Variants in TNIK observed in about 807,000 individuals in gnomAD.
TNIK encodes the protein TRAF2 and NCK interacting kinase, also known as TRAF2 and NCK-interacting protein kinase.
In TNIK, 49 loss-of-function variants were observed where a neutral mutation model predicts 191.3. The ratio of observed to expected loss-of-function variants is 0.26; its 90% confidence interval spans 0.20 to 0.32. The LOEUF is 0.32. Ranked by LOEUF, TNIK falls within the 10% of genes least tolerant of loss-of-function variation. The pLI, the probability that TNIK is intolerant of heterozygous loss-of-function variation, is 1.00. For missense variants in TNIK, 1,155 were observed against 1,702.3 expected (o/e 0.68, Z 5.66); for synonymous variants, 594 against 600.9 (o/e 0.99, Z 0.17).
intron 2 of TNIK, chr3:171,347,338 G>A: frequency 1.9e-6 from 2 of 1,039,930 alleles, no homozygotes; most frequent in Non-Finnish European, 2.8e-6. Context: ...CTAGATGCCT[G>A]GTATACAAGT....
At chr3:171,288,292 C>T (rs1413768268) in intron 2 of TNIK, among the ~76,000 whole-genome samples, 11 of 142,580 alleles carry the variant, frequency 7.7e-5, no homozygotes, top group Non-Finnish European at 1.5e-4. Flanking sequence ...ACAATGTGCA[C>T]ATGTACCCTA....
chr3:171,110,939 A>G (rs978879105), intron 18 of TNIK, 62 bp from the exon 19 acceptor site: 7 of 1,461,284 alleles, frequency 4.8e-6, no homozygotes, highest in African/African-American at 2.8e-5. Context: ...TGCAGATCAC[A>G]TATCTGATAA....
intron 2 of TNIK, among the ~76,000 whole-genome samples, chr3:171,306,664 T>C (rs925292332): frequency 1.3e-5 from 2 of 152,108 alleles, no homozygotes; most frequent in African/African-American, 4.8e-5. Context: ...AAAATTATAT[T>C]TGGATTCCAA....
At position 171,082,387 on chromosome 3, in the gene TNIK, G is replaced by A. The variant is rs767151840; in HGVS notation, c.3177C>T (p.Asn1059=). Residue 1059 remains asparagine, a synonymous_variant, in exon 27 of 33, where the codon AAC becomes AAT. Coordinates refer to ENST00000436636, the MANE Select transcript of TNIK (RefSeq NM_015028.4). ...EILCAALWGV[N]LLVGTENGLM... ...GGCCATTTTCAGTCCCCACCAGAAG[G>A]TTTACACCTGTAAATTTAAGAAGCA... 6 of 1,613,670 alleles carry A rather than the reference G, an allele frequency of 3.7e-6. No individual in the cohort carries two copies. Among genetic ancestry groups the A allele is most frequent in the Non-Finnish European group, 3.4e-6 (4 of 1,179,744 alleles).
chr3:171,404,675 CT>C (rs1317729463), intron 1 of TNIK, among the ~76,000 whole-genome samples: 9 of 152,078 alleles, frequency 5.9e-5, no homozygotes, highest in Non-Finnish European at 8.8e-5. Flanking sequence ...AGGCTAATTA[CT>C]TCTCTTAAGA....
chr3:171,157,730 G>A, intron 11 of TNIK, 66 bp from the exon 12 acceptor site: 2 of 1,497,212 alleles, frequency 1.3e-6, no homozygotes, highest in East Asian at 2.5e-5. Context: ...AAGAGGCCTT[G>A]GAGGAGGAAA....
chr3:171,233,281 A>T (rs1165743289), intron 2 of TNIK, among the ~76,000 whole-genome samples: 2 of 151,284 alleles, frequency 1.3e-5, no homozygotes, highest in African/African-American at 4.9e-5. Context: ...TCCCAACCCC[A>T]CTGATCATAA....
At position 171,082,231 on chromosome 3, in the gene TNIK, T is replaced by C; in HGVS notation, c.3313+20A>G. 6.2e-7 allele frequency: 1 copy of C among 1,609,092 alleles called. No individual in the cohort carries two copies. Among genetic ancestry groups the C allele is most frequent in the Non-Finnish European group, 8.5e-7 (1 of 1,177,558 alleles). On this transcript the variant is annotated intron_variant, in intron 27 of 32. Coordinates refer to ENST00000436636, the MANE Select transcript of TNIK (RefSeq NM_015028.4). ...TTCCCGCTGTATGGACCTGGGGGAC[T>C]CATCATCTTAGTAACATACCTGAAA...
At position 171,082,404 on chromosome 3, in the gene TNIK, T is replaced by G; in HGVS notation, c.3170-10A>C. The G allele has an allele frequency of 4.3e-6, 7 of 1,613,636 alleles. No individual in the cohort carries two copies. The highest frequency in any genetic ancestry group is 5.9e-6 in the Non-Finnish European group (7 of 1,179,706). ...ACCAGAAGGTTTACACCTGTAAATTTAAGAAGCACCCTAAGACTGACTTTT... is the reference window on the plus strand; with the variant it reads ...ACCAGAAGGTTTACACCTGTAAATTGAAGAAGCACCCTAAGACTGACTTTT... On this transcript the variant is annotated splice_polypyrimidine_tract_variant and intron_variant, in intron 26 of 32. Coordinates refer to ENST00000436636, the MANE Select transcript of TNIK (RefSeq NM_015028.4).
chr3:171,144,080 G>A (rs998043061), intron 12 of TNIK, among the ~76,000 whole-genome samples: 22 of 152,312 alleles, frequency 1.4e-4, no homozygotes, highest in African/African-American at 5.1e-4. Flanking sequence ...CCTGCTATCA[G>A]AAAAGAATGG....
chr3:171,134,868 A>T (rs1174123398), intron 15 of TNIK, among the ~76,000 whole-genome samples: 1 of 152,244 alleles, frequency 6.6e-6, no homozygotes, highest in Admixed American at 6.5e-5. Context: ...TCGATTTGGA[A>T]TGAGGAAGAG....
intron 1 of TNIK, among the ~76,000 whole-genome samples, chr3:171,435,364 C>T (rs1229170266): frequency 1.3e-5 from 2 of 152,128 alleles, no homozygotes; most frequent in African/African-American, 4.8e-5. Flanking sequence ...TCAACTTCCT[C>T]TGAGAATGTG....
rs1350038267 is a variant in TNIK at position 171,062,338 on chromosome 3, CTA to C, written c.*1541_*1542del. 6.6e-6 allele frequency: 1 copy of C among 152,110 alleles called. No homozygotes were observed. Among genetic ancestry groups the C allele is most frequent in the Admixed American group, 6.6e-5 (1 of 15,264 alleles). The allele number at this position is 152,110 out of a possible 1,614,324, so 9.4% of individuals were successfully genotyped here. A position where few individuals can be genotyped will look rare whatever the true frequency, so the allele number is the denominator to read the frequency against. On this transcript the variant is annotated 3_prime_UTR_variant, in exon 33 of 33. Transcript: ENST00000436636. ...CACCTGAGATTGCCGGTTGAGCTCT[CTA>C]TATGTCTCCTGGAGATAACACTGCT...
chr3:171,460,024 C>G lies in TNIK; in HGVS notation c.40G>C (p.Asp14His). 1 of 1,609,210 alleles carries G rather than the reference C, an allele frequency of 6.2e-7. No individual in the cohort carries two copies. The highest frequency in any genetic ancestry group is 8.5e-7 in the Non-Finnish European group (1 of 1,177,850). Residue 14 changes from aspartate (D) to histidine (H), a missense_variant, in exon 1 of 33, where the codon GAT becomes CAT. Transcript: ENST00000436636. This position sits in a 1 kb window ranked among gnomAD's most constrained non-coding sequence, Gnocchi z 6.8. ...DSPARSLDEI[D>H]LSALRDPAGI... is the part of the protein sequence containing the mutation. Reference sequence around the variant, plus strand: ...CTGCTCACCCTCAGAGCCGAGAGATCTATTTCATCCAGGCTTCGAGCCGGG... The same window carrying G: ...CTGCTCACCCTCAGAGCCGAGAGATGTATTTCATCCAGGCTTCGAGCCGGG...
At chr3:171,213,770 T>C (rs896061012) in intron 3 of TNIK, among the ~76,000 whole-genome samples, 6 of 152,210 alleles carry the variant, frequency 3.9e-5, no homozygotes, top group African/African-American at 9.6e-5. Context: ...GGGGTGCATG[T>C]TGAGTTTGGG....
intron 3 of TNIK, among the ~76,000 whole-genome samples, chr3:171,223,759 C>G (rs1742642873): frequency 6.6e-6 from 1 of 152,012 alleles, no homozygotes. Context: ...TGTTAGCTAC[C>G]ATTATTATTC....
rs142295894 is a variant in TNIK, at chr3:171,345,080, C to T, written c.123+24540G>A. ...ATCTATGGTCTCAACTGATGTGAATCAACCCTCTCAGGGTTGGGAATATGT... is the reference window on the plus strand; with the variant it reads ...ATCTATGGTCTCAACTGATGTGAATTAACCCTCTCAGGGTTGGGAATATGT... On this transcript the variant is annotated intron_variant, in intron 2 of 32. Transcript: ENST00000436636. Among the ~76,000 whole-genome samples, 290 of 152,268 alleles carry T rather than the reference C, an allele frequency of 1.9e-3. 1 individual carries two copies. The highest frequency in any genetic ancestry group is 6.6e-3 in the African/African-American group (275 of 41,558).
At position 171,194,695 on chromosome 3, in the gene TNIK, G is replaced by T. The variant is rs1560244668; in HGVS notation, c.307-60C>A. On this transcript the variant is annotated intron_variant, in intron 4 of 32. Transcript: ENST00000436636. ...GATGCTTCACTGCTTCCATTAAGTT[G>T]GGGTAAGAAAGCACAAGCAATTGGC... is the stretch of plus-strand genomic sequence containing the variant. 6 of 1,509,610 alleles carry T rather than the reference G, an allele frequency of 4.0e-6. No homozygotes were observed. In the East Asian group the frequency reaches 9.1e-5, roughly 23 times the overall value. The allele number at this position is 1,509,610 out of a possible 1,614,324, so 93.5% of individuals were successfully genotyped here. A position where few individuals can be genotyped will look rare whatever the true frequency, so the allele number is the denominator to read the frequency against.
chr3:171,272,082 A>G (rs1749172463), intron 2 of TNIK, among the ~76,000 whole-genome samples: 1 of 152,208 alleles, frequency 6.6e-6, no homozygotes, highest in Non-Finnish European at 1.5e-5. Context: ...GGAGATGGTA[A>G]AGGCACTACG....
Sources: gnomAD v4.1 joint callset for allele counts (sites outside exome capture counted in the v4.1 genomes callset) on GRCh38, gnomAD v4.1.1 for gene constraint, Gnocchi (gnomAD v3.1) non-coding constraint, MANE v1.5 for transcripts, NCBI Gene and HGNC (gene_info 2026-07-23, HGNC 2026-07-21) for gene names.